Variants in NR3C2 observed in about 807,000 individuals in gnomAD.
NR3C2 encodes the protein nuclear receptor subfamily 3 group C member 2, also known as mineralocorticoid receptor.
A neutral mutation model predicts 86.4 loss-of-function variants in NR3C2; 15 were observed. That is an observed-to-expected ratio of 0.17 (90% CI 0.12 to 0.27). NR3C2 has a LOEUF of 0.27. NR3C2 is among the 10% of genes least tolerant of loss of function. The probability of loss-of-function intolerance (pLI) is 1.00; values close to 1 mark genes in which losing one functional copy is unlikely to be tolerated. For missense variants in NR3C2, 960 were observed against 1,195.6 expected (o/e 0.80, Z 2.91); for synonymous variants, 458 against 450.5 (o/e 1.02, Z -0.21).
At chr4:148,118,014 G>A (rs149017424) in intron 7 of NR3C2, among the ~76,000 whole-genome samples, 83 of 152,140 alleles carry the variant, frequency 5.5e-4, no homozygotes, top group African/African-American at 1.8e-3. Flanking sequence ...CATTTCATAC[G>A]GCTCAGAGTT....
chr4:148,080,821 C>T lies in NR3C2; in HGVS notation c.*523G>A. The T allele has an allele frequency of 2.3e-6, 1 of 426,262 alleles. No homozygotes were observed. The highest frequency in any genetic ancestry group is 1.7e-5 in the South Asian group (1 of 59,372). The allele number at this position is 426,262 out of a possible 1,614,324, so 26.4% of individuals were successfully genotyped here. A position where few individuals can be genotyped will look rare whatever the true frequency, so the allele number is the denominator to read the frequency against. On this transcript the variant is annotated 3_prime_UTR_variant, in exon 9 of 9. Transcript: ENST00000358102. ...GCGAGGGCTCAGAGGCAGCTGCTGC[C>T]CCACGCCACGAGTTCTGTTATTACA...
intron 2 of NR3C2, among the ~76,000 whole-genome samples, chr4:148,270,685 C>T (rs1740635189): frequency 1.3e-5 from 2 of 152,134 alleles, no homozygotes; most frequent in African/African-American, 4.8e-5. Context: ...ATTCCCCCAG[C>T]AGAAAACAGT....
At chr4:148,244,018 C>T (rs1402797231) in intron 3 of NR3C2, among the ~76,000 whole-genome samples, 1 of 152,210 alleles carries the variant, frequency 6.6e-6, no homozygotes, top group Non-Finnish European at 1.5e-5. Context: ...GTTTATATCA[C>T]AGTAAATTCT....
intron 2 of NR3C2, among the ~76,000 whole-genome samples, chr4:148,323,841 G>C (rs1743792985): frequency 6.7e-6 from 1 of 150,216 alleles, no homozygotes; most frequent in Admixed American, 6.6e-5. Context: ...ACCGTCTTCT[G>C]CGTCGCTCAC....
Position 148,363,040 on chromosome 4 carries a change from T to C in NR3C2, c.1757+72064A>G, listed in dbSNP as rs192023359. On this transcript the variant is annotated intron_variant, in intron 2 of 8. Coordinates refer to ENST00000358102, the MANE Select transcript of NR3C2 (RefSeq NM_000901.5). Reference sequence around the variant, plus strand: ...AAGACCTAGCAGTGAGTGTCATCTATAAAGGTGACAACGTTGCCTTGCCTT... The same window carrying C: ...AAGACCTAGCAGTGAGTGTCATCTACAAAGGTGACAACGTTGCCTTGCCTT... Among the ~76,000 whole-genome samples the C allele has an allele frequency of 6.2e-4, 94 of 152,302 alleles. 1 individual carries two copies. The Middle Eastern group carries it at 0.017, about 28-fold the overall frequency.
At chr4:148,279,599 T>A (rs2149894827) in intron 2 of NR3C2, among the ~76,000 whole-genome samples, 1 of 152,336 alleles carries the variant, frequency 6.6e-6, no homozygotes, top group East Asian at 1.9e-4. Context: ...GCAATGCATA[T>A]GTTAACAAAT....
At position 148,436,715 on chromosome 4, in the gene NR3C2, C is replaced by T. The variant is rs771800677; in HGVS notation, c.146G>A (p.Ser49Asn). Residue 49 changes from serine (S) to asparagine (N), a missense_variant, in exon 2 of 9, where the codon AGC (serine) becomes AAC (asparagine). Ser to Asn is a conservative substitution (Grantham distance 46, BLOSUM62 1). Transcript: ENST00000358102. The part of the protein sequence containing the change: ...ENNYMEIVNV[S>N]CVSGAIPNNS... Reference sequence around the variant, plus strand: ...GTTTGGAATAGCACCGGAAACACAGCTTACGTTGACAATCTCCATGTAGTT... The same window carrying T: ...GTTTGGAATAGCACCGGAAACACAGTTTACGTTGACAATCTCCATGTAGTT... 8.7e-6 allele frequency: 14 copies of T among 1,614,170 alleles called. No individual in the cohort carries two copies. The highest frequency in any genetic ancestry group is 1.2e-5 in the Non-Finnish European group (14 of 1,180,036).
chr4:148,266,970 G>A (rs948910101), intron 2 of NR3C2, among the ~76,000 whole-genome samples: 6 of 152,144 alleles, frequency 3.9e-5, no homozygotes, highest in African/African-American at 9.7e-5. Flanking sequence ...GGAGAGTTAC[G>A]GGGAATTTCT....
At chr4:148,369,553 T>C (rs961088959) in intron 2 of NR3C2, among the ~76,000 whole-genome samples, 8 of 152,182 alleles carry the variant, frequency 5.3e-5, no homozygotes, top group Non-Finnish European at 1.0e-4. Context: ...TGCTAAGAGA[T>C]CTGAAAAGTG....
intron 2 of NR3C2, among the ~76,000 whole-genome samples, chr4:148,363,148 A>G (rs898450562): frequency 3.3e-5 from 5 of 152,194 alleles, no homozygotes; most frequent in African/African-American, 9.7e-5. Context: ...ACAATACGTG[A>G]AATGACAGAT....
intron 2 of NR3C2, among the ~76,000 whole-genome samples, chr4:148,353,932 T>C (rs1745426033): frequency 6.6e-6 from 1 of 152,200 alleles, no homozygotes; most frequent in Non-Finnish European, 1.5e-5. Context: ...AATTTAGGGA[T>C]GAATACCTCT....
intron 2 of NR3C2, among the ~76,000 whole-genome samples, chr4:148,277,122 T>C (rs911748776): frequency 2.6e-5 from 4 of 152,224 alleles, no homozygotes; most frequent in African/African-American, 7.2e-5. Flanking sequence ...ACTGGATATA[T>C]AGCAGCAAAC....
chr4:148,331,679 TA>T (rs1375400230), intron 2 of NR3C2, among the ~76,000 whole-genome samples: 1 of 152,170 alleles, frequency 6.6e-6, no homozygotes, highest in East Asian at 1.9e-4. Context: ...AGCTTCCTAC[TA>T]AAGAGAAGTG....
chr4:148,248,635 C>G (rs1256105369), intron 3 of NR3C2, among the ~76,000 whole-genome samples: 1 of 152,164 alleles, frequency 6.6e-6, no homozygotes, highest in East Asian at 1.9e-4. Context: ...TCAGTTGGCC[C>G]TTTAGCACAA....
At chr4:148,122,119 A>G (rs1210063321) in intron 6 of NR3C2, among the ~76,000 whole-genome samples, 2 of 152,260 alleles carry the variant, frequency 1.3e-5, no homozygotes, top group African/African-American at 2.4e-5. Context: ...TGGATAGTAC[A>G]TGGTTGCTTT....
At chr4:148,289,191 T>C (rs999340917) in intron 2 of NR3C2, among the ~76,000 whole-genome samples, 17 of 151,438 alleles carry the variant, frequency 1.1e-4, no homozygotes, top group Admixed American at 2.6e-4. Flanking sequence ...TGGTAAGACA[T>C]GCTTTTTAAA....
chr4:148,161,069 A>C (rs1415524819), intron 4 of NR3C2, among the ~76,000 whole-genome samples: 1 of 145,796 alleles, frequency 6.9e-6, no homozygotes, highest in Non-Finnish European at 1.5e-5. Context: ...CAATGCAATA[A>C]ACACCAGTAG....
intron 3 of NR3C2, among the ~76,000 whole-genome samples, chr4:148,239,592 G>A (rs2149845864): frequency 6.6e-6 from 1 of 152,312 alleles, no homozygotes; most frequent in East Asian, 1.9e-4. Flanking sequence ...CAGAGGACAG[G>A]CAACTGGCGA....
intron 2 of NR3C2, among the ~76,000 whole-genome samples, chr4:148,315,905 T>C (rs2149943072): frequency 6.6e-6 from 1 of 152,308 alleles, no homozygotes; most frequent in South Asian, 2.1e-4. Context: ...AGTTTTGTGA[T>C]ATATACTTCC....
Sources: gnomAD v4.1 joint callset for allele counts (sites outside exome capture counted in the v4.1 genomes callset) on GRCh38, gnomAD v4.1.1 for gene constraint, MANE v1.5 for transcripts, NCBI Gene and HGNC (gene_info 2026-07-23, HGNC 2026-07-21) for gene names.